SLC14A2: variants seen among roughly 807,000 people sequenced by gnomAD.
SLC14A2 encodes the protein urea transporter 2.
In SLC14A2, 91 loss-of-function variants were observed where a neutral mutation model predicts 104.6. The ratio of observed to expected loss-of-function variants is 0.87; its 90% CI spans 0.73 to 1.04. SLC14A2 has a LOEUF of 1.04. Among genes scored for constraint, SLC14A2 ranks in the 50% least tolerant of loss-of-function variants. The pLI is 0.00. For synonymous variants in SLC14A2, 476 were observed against 466.4 expected, an observed-to-expected ratio of 1.02 and a Z score of -0.27; for missense variants, 1,189 against 1,156.0, an observed-to-expected ratio of 1.03 and a Z score of -0.41.
intron 1 of SLC14A2, among the ~76,000 whole-genome samples, chr18:45,341,593 TAC>T (rs914513892): frequency 6.7e-6 from 1 of 148,204 alleles, no homozygotes; most frequent in Non-Finnish European, 1.5e-5. Flanking sequence ...TGTCTAGTAT[TAC>T]TTTTTTTTTT....
chr18:45,441,800 G>A (rs2086686263), intron 1 of SLC14A2, among the ~76,000 whole-genome samples: 1 of 152,190 alleles, frequency 6.6e-6, no homozygotes, highest in African/African-American at 2.4e-5. Context: ...AGCATGCACT[G>A]CATTTGGGGG....
rs577362424 is a variant in SLC14A2, at chr18:45,563,115, G to A, written c.-34-61516G>A. Reference sequence around the variant, plus strand: ...CCCTGACAAGACGGTTGGTGGGAAGGTTTGGGCCCTCTGAGGCAGTGTGAC... The same window carrying A: ...CCCTGACAAGACGGTTGGTGGGAAGATTTGGGCCCTCTGAGGCAGTGTGAC... On this transcript the variant is annotated intron_variant, in intron 2 of 20. Transcript: ENST00000586448. 2.6e-5 allele frequency among the ~76,000 whole-genome samples: 4 copies of A among 152,368 alleles called. No individual in the cohort carries two copies. In the South Asian group the frequency reaches 6.2e-4, roughly 24 times the overall value.
At chr18:45,534,323 A>C (rs564130042) in intron 2 of SLC14A2, among the ~76,000 whole-genome samples, 1 of 152,244 alleles carries the variant, frequency 6.6e-6, no homozygotes, top group South Asian at 2.1e-4. Flanking sequence ...GAAACACACA[A>C]AGACTAACTC....
intron 2 of SLC14A2, among the ~76,000 whole-genome samples, chr18:45,516,140 AAAG>A: frequency 6.6e-6 from 1 of 152,380 alleles, no homozygotes; most frequent in South Asian, 2.1e-4. Context: ...CTGAGGTCAG[AAAG>A]AAGAAAATAT....
chr18:45,211,864 G>A (rs533754022), upstream of SLC14A2, among the ~76,000 whole-genome samples: 207 of 152,296 alleles, frequency 1.4e-3, 2 homozygotes, highest in African/African-American at 4.8e-3. Flanking sequence ...TAAGATGAGA[G>A]CCAACCATCT....
chr18:45,285,265 CTTATTTTTT>C (rs1209678627), intron 1 of SLC14A2, among the ~76,000 whole-genome samples: 1 of 152,094 alleles, frequency 6.6e-6, no homozygotes, highest in African/African-American at 2.4e-5. Flanking sequence ...TTAAATTTTA[CTTATTTTTT>C]GATATAAAAA....
chr18:45,618,876 A>G (rs544230082), intron 1 of SLC14A2, among the ~76,000 whole-genome samples: 1 of 152,200 alleles, frequency 6.6e-6, no homozygotes, highest in African/African-American at 2.4e-5. Context: ...GGAGCATACG[A>G]AATAGGCACA....
At chr18:45,505,229 T>TCAC (rs944660339) in intron 2 of SLC14A2, among the ~76,000 whole-genome samples, 1 of 151,964 alleles carries the variant, frequency 6.6e-6, no homozygotes, top group Admixed American at 6.5e-5. Flanking sequence ...CTTACATGCC[T>TCAC]CACCACCACC....
At chr18:45,534,971 G>T (rs1234678193) in intron 2 of SLC14A2, among the ~76,000 whole-genome samples, 4 of 152,182 alleles carry the variant, frequency 2.6e-5, no homozygotes, top group Non-Finnish European at 5.9e-5. Context: ...CTCAGGAAAT[G>T]AGGCATTCTG....
intron 1 of SLC14A2, among the ~76,000 whole-genome samples, chr18:45,617,430 C>G (rs2045090386): frequency 6.6e-6 from 1 of 152,140 alleles, no homozygotes; most frequent in South Asian, 2.1e-4. Flanking sequence ...TGACTCCTGC[C>G]CCACCCAGCC....
intron 6 of SLC14A2, among the ~76,000 whole-genome samples, chr18:45,637,633 C>G (rs998690319): frequency 6.6e-6 from 1 of 152,122 alleles, no homozygotes; most frequent in African/African-American, 2.4e-5. Flanking sequence ...TTTTTATATA[C>G]TCTCTCTCTT....
intron 1 of SLC14A2, among the ~76,000 whole-genome samples, chr18:45,232,664 G>A (rs1018518496): frequency 6.6e-6 from 1 of 152,174 alleles, no homozygotes. Flanking sequence ...CAACTCAAGA[G>A]ACTGTATATA....
intron 1 of SLC14A2, among the ~76,000 whole-genome samples, chr18:45,323,643 G>C (rs972832382): frequency 6.6e-6 from 1 of 152,146 alleles, no homozygotes; most frequent in Non-Finnish European, 1.5e-5. Flanking sequence ...CAGTTTAATA[G>C]GATTCAGCCT....
chr18:45,351,099 G>A (rs1234634603), intron 1 of SLC14A2, among the ~76,000 whole-genome samples: 1 of 152,046 alleles, frequency 6.6e-6, no homozygotes, highest in Non-Finnish European at 1.5e-5. Context: ...TGTCTTCTCA[G>A]TTCCTGTGCT....
chr18:45,662,872 G>A (rs761435265), intron 10 of SLC14A2, among the ~76,000 whole-genome samples: 74 of 152,066 alleles, frequency 4.9e-4, no homozygotes, highest in Admixed American at 2.8e-3. Flanking sequence ...TTCCAATTAC[G>A]AGACCTGGGT....
chr18:45,265,977 A>G (rs2084588441), intron 1 of SLC14A2, among the ~76,000 whole-genome samples: 1 of 152,216 alleles, frequency 6.6e-6, no homozygotes, highest in Non-Finnish European at 1.5e-5. Context: ...TAATTAAAGT[A>G]TATCGTAGGT....
chr18:45,424,422 A>G (rs60835574), intron 1 of SLC14A2, among the ~76,000 whole-genome samples: 3,426 of 152,206 alleles, frequency 0.023, 142 homozygotes, highest in African/African-American at 0.078. Context: ...GGAAGGGGGG[A>G]TGCTAAGGCA....
At chr18:45,322,514 A>T (rs1331620450) in intron 1 of SLC14A2, among the ~76,000 whole-genome samples, 1 of 152,244 alleles carries the variant, frequency 6.6e-6, no homozygotes, top group East Asian at 1.9e-4. Context: ...AAGTGAACAC[A>T]ATCGATTTGA....
At chr18:45,191,056 C>G in the SLC14A2 span, among the ~76,000 whole-genome samples, 2 of 152,100 alleles carry the variant, frequency 1.3e-5, no homozygotes, top group African/African-American at 4.8e-5. Flanking sequence ...GACAGGAGGA[C>G]AGCTCCCATG....
Sources: allele counts gnomAD v4.1 joint callset (sites outside exome capture counted in the v4.1 genomes callset), GRCh38; gene constraint gnomAD v4.1.1; transcripts MANE v1.5; gene names NCBI Gene and HGNC (gene_info 2026-07-23, HGNC 2026-07-21).